The following PPTC7 variants were observed in gnomAD, a reference collection of about 807,000 sequenced individuals.
PPTC7 encodes the protein protein phosphatase PTC7 homolog.
A neutral mutation model predicts 30.8 loss-of-function variants in PPTC7; 6 were observed. The observed-to-expected ratio is 0.19, with a 90% CI of 0.11 to 0.38. The LOEUF (loss-of-function observed/expected upper bound fraction) is 0.38. Among genes scored for constraint, PPTC7 ranks in the 10% least tolerant of loss-of-function variants. The pLI, the probability that PPTC7 is intolerant of heterozygous loss-of-function variation, is 1.00. For missense variants in PPTC7, 218 were observed against 404.8 expected, an observed-to-expected ratio of 0.54 and a Z score of 3.96; for synonymous variants, 163 against 168.1, an observed-to-expected ratio of 0.97 and a Z score of 0.23.
intron 1 of PPTC7, among the ~76,000 whole-genome samples, chr12:110,569,142 G>C (rs2135789285): frequency 6.6e-6 from 1 of 151,638 alleles, no homozygotes; most frequent in South Asian, 2.1e-4. Flanking sequence ...AGACCAGCCT[G>C]GCCAACATGG....
chr12:110,539,158 A>G (rs2064238639), intron 4 of PPTC7, among the ~76,000 whole-genome samples: 1 of 152,200 alleles, frequency 6.6e-6, no homozygotes, highest in East Asian at 1.9e-4. Flanking sequence ...CTGCAACCCT[A>G]TAAAAGAGGA....
At position 110,547,617 on chromosome 12, in the gene PPTC7, G is replaced by C. The variant is rs143106520; in HGVS notation, c.404-1539C>G. Among the ~76,000 whole-genome samples the C allele has an allele frequency of 1.4e-3, 213 of 152,162 alleles. 1 individual carries two copies. The highest frequency in any genetic ancestry group is 5.0e-3 in the African/African-American group (206 of 41,516). On this transcript the variant is annotated intron_variant, in intron 2 of 5. Transcript: ENST00000354300. ...AACCTAAAGAACTGTACACCAAAAA[G>C]AGTAAAGTTTACTAGAAGTCAATTT...
At chr12:110,573,337 C>T (rs1239847071) in intron 1 of PPTC7, among the ~76,000 whole-genome samples, 1 of 152,126 alleles carries the variant, frequency 6.6e-6, no homozygotes, top group Non-Finnish European at 1.5e-5. Flanking sequence ...TAAATAACTA[C>T]AAATAGAGGA....
intron 3 of PPTC7, among the ~76,000 whole-genome samples, chr12:110,543,474 AAT>A (rs1244151470): frequency 6.6e-6 from 1 of 152,138 alleles, no homozygotes; most frequent in African/African-American, 2.4e-5. Context: ...AACTGGGGGA[AAT>A]CAGGTCAATT....
intron 4 of PPTC7, among the ~76,000 whole-genome samples, 193 bp from the exon 5 acceptor site, chr12:110,538,466 C>T (rs1185225963): frequency 6.6e-6 from 1 of 152,184 alleles, no homozygotes; most frequent in Non-Finnish European, 1.5e-5. Context: ...CTTTGGTGGC[C>T]TTAAGCCCTA....
chr12:110,563,122 CAAAAA>C (rs766517371), intron 1 of PPTC7, among the ~76,000 whole-genome samples: 4 of 43,090 alleles, frequency 9.3e-5, no homozygotes, highest in South Asian at 1.3e-3. Flanking sequence ...GACTCCATCT[CAAAAA>C]AAAAAAAAAA....
chr12:110,556,219 A>G (rs898685358), intron 1 of PPTC7, among the ~76,000 whole-genome samples: 7 of 152,182 alleles, frequency 4.6e-5, no homozygotes, highest in African/African-American at 1.2e-4. Context: ...GCTTTTTTAC[A>G]CGGGCAAAGG....
At chr12:110,557,866 A>G (rs2064402852) in intron 1 of PPTC7, among the ~76,000 whole-genome samples, 1 of 152,224 alleles carries the variant, frequency 6.6e-6, no homozygotes, top group Admixed American at 6.5e-5. Flanking sequence ...CCTTCTTCAC[A>G]TGGCAGCAGG....
intron 1 of PPTC7, among the ~76,000 whole-genome samples, chr12:110,572,153 C>T (rs990674062): frequency 2.0e-5 from 3 of 152,154 alleles, no homozygotes; most frequent in African/African-American, 7.2e-5. Context: ...TGAAAGATAA[C>T]AACGTGGCTA....
At chr12:110,567,268 C>T (rs929564721) in intron 1 of PPTC7, among the ~76,000 whole-genome samples, 6 of 152,210 alleles carry the variant, frequency 3.9e-5, no homozygotes, top group African/African-American at 1.2e-4. Context: ...CAGCCCTACT[C>T]CCTGAATCGG....
At chr12:110,572,559 T>C (rs890825726) in intron 1 of PPTC7, among the ~76,000 whole-genome samples, 2 of 152,218 alleles carry the variant, frequency 1.3e-5, no homozygotes, top group Non-Finnish European at 2.9e-5. Context: ...CAAACGTGTG[T>C]TGGAATTCAC....
chr12:110,539,713 A>ACAAAATAGTTCT, intron 4 of PPTC7, 109 bp downstream of exon 4: 1 of 1,044,860 alleles, frequency 9.6e-7, no homozygotes, highest in Non-Finnish European at 1.4e-6. Context: ...CCTGAAATTC[A>ACAAAATAGTTCT]CAAAATAGTT....
chr12:110,578,448 T>C (rs1485911259), intron 1 of PPTC7, among the ~76,000 whole-genome samples: 1 of 152,160 alleles, frequency 6.6e-6, no homozygotes, highest in Non-Finnish European at 1.5e-5. Flanking sequence ...GAGTGGTTCC[T>C]ATGTCTCACC....
At chr12:110,538,048 G>GGACA in intron 5 of PPTC7, 96 bp downstream of exon 5, 1 of 1,345,526 alleles carries the variant, frequency 7.4e-7, no homozygotes, top group South Asian at 1.4e-5. Flanking sequence ...GGCTGGGAGA[G>GGACA]GACACCTCCA....
chr12:110,582,728 A>G, intron 1 of PPTC7, 81 bp downstream of exon 1: 1 of 1,199,010 alleles, frequency 8.3e-7, no homozygotes, highest in Non-Finnish European at 1.1e-6. Flanking sequence ...CGCCGCCGGG[A>G]GGAACTGGGG....
At chr12:110,572,331 C>A (rs530043208) in intron 1 of PPTC7, among the ~76,000 whole-genome samples, 5 of 152,100 alleles carry the variant, frequency 3.3e-5, no homozygotes, top group Non-Finnish European at 7.3e-5. Flanking sequence ...GTAGTCCCAG[C>A]TACTAGGGAG....
chr12:110,546,824 T>A (rs769295801), intron 2 of PPTC7: 1 of 152,110 alleles, frequency 6.6e-6, no homozygotes, highest in Non-Finnish European at 1.5e-5. Context: ...AATGGCAACA[T>A]AGAAAAACAG....
At chr12:110,549,465 T>A (rs990976563) in intron 2 of PPTC7, among the ~76,000 whole-genome samples, 2 of 152,164 alleles carry the variant, frequency 1.3e-5, no homozygotes, top group African/African-American at 2.4e-5. Context: ...CTCAGCAGCT[T>A]GTCTTTGTCA....
At position 110,536,979 on chromosome 12, in the gene PPTC7, C is replaced by T; in HGVS notation, c.*58G>A. 7.6e-7 allele frequency: 1 copy of T among 1,316,776 alleles called. No individual in the cohort carries two copies. Among genetic ancestry groups the T allele is most frequent in the Non-Finnish European group, 1.1e-6 (1 of 910,008 alleles). The allele number at this position is 1,316,776 out of a possible 1,614,324, so 81.6% of individuals were successfully genotyped here. A position where few individuals can be genotyped will look rare whatever the true frequency, so the allele number is the denominator to read the frequency against. On this transcript the variant is annotated 3_prime_UTR_variant, in exon 6 of 6. Transcript: ENST00000354300. The stretch of plus-strand genomic sequence containing the variant: ...AATGTGGTCCTGCCAGCAGGATCAG[C>T]ACACATGGCAGGGGAAATTTGGGAT...
Sources: allele counts gnomAD v4.1 joint callset (sites outside exome capture counted in the v4.1 genomes callset), GRCh38; gene constraint gnomAD v4.1.1; transcripts MANE v1.5; gene names NCBI Gene and HGNC (gene_info 2026-07-23, HGNC 2026-07-21).